Variants in DYTN observed in about 807,000 individuals in gnomAD.
DYTN encodes dystrotelin.
In DYTN, 75 loss-of-function variants were observed where a neutral mutation model predicts 69.6. The observed-to-expected ratio is 1.08, with a 90% CI of 0.89 to 1.31. The LOEUF (loss-of-function observed/expected upper bound fraction) is 1.31. Among genes scored for constraint, DYTN ranks in the 50% most tolerant of loss-of-function variants. The probability of loss-of-function intolerance (pLI) is 0.00; values close to 1 mark genes in which losing one functional copy is unlikely to be tolerated. For synonymous variants in DYTN, 252 were observed against 249.1 expected, an observed-to-expected ratio of 1.01 and a Z score of -0.11; for missense variants, 726 against 688.4, an observed-to-expected ratio of 1.05 and a Z score of -0.61.
chr2:206,717,354 G>A (rs376191434), intron 1 of DYTN, among the ~76,000 whole-genome samples: 1 of 152,136 alleles, frequency 6.6e-6, no homozygotes, highest in Non-Finnish European at 1.5e-5. Flanking sequence ...GTAGGCCAGT[G>A]GTCCTCACAG....
rs770004095 is a variant in DYTN at position 206,694,753 on chromosome 2, C to T, written c.831+13G>A. ...GATTAATGAATAGTTTGGTATGTGA[C>T]ATTAAATGTTACCTGAATGCAGTGC... On this transcript the variant is annotated intron_variant, in intron 8 of 11. Coordinates refer to ENST00000452335, the MANE Select transcript of DYTN (RefSeq NM_001093730.1). 3.8e-6 allele frequency: 6 copies of T among 1,584,532 alleles called. No homozygotes were observed. In the South Asian group the frequency reaches 7.0e-5, roughly 19 times the overall value.
At chr2:206,678,292 A>G (rs1329649477) in intron 9 of DYTN, among the ~76,000 whole-genome samples, 1 of 152,226 alleles carries the variant, frequency 6.6e-6, no homozygotes, top group Admixed American at 6.5e-5. Flanking sequence ...AAAAATTAAA[A>G]CAAGGCGATA....
intron 9 of DYTN, among the ~76,000 whole-genome samples, chr2:206,680,378 A>C (rs773382379): frequency 5.3e-5 from 8 of 152,152 alleles, no homozygotes; most frequent in Non-Finnish European, 1.0e-4. Context: ...ACAATTCAGG[A>C]TGGGATTTGG....
chr2:206,686,787 C>T (rs1699814397), intron 9 of DYTN: 1 of 152,306 alleles, frequency 6.6e-6, no homozygotes. Context: ...GCCTTTTCAC[C>T]ACCAGCTCTC....
intron 9 of DYTN, among the ~76,000 whole-genome samples, chr2:206,684,847 G>C (rs1166431768): frequency 1.3e-5 from 2 of 151,814 alleles, no homozygotes; most frequent in Non-Finnish European, 2.9e-5. Context: ...TGTCATATGA[G>C]CATAAAAGAT....
chr2:206,716,063 G>C (rs369407767), intron 1 of DYTN, among the ~76,000 whole-genome samples: 29 of 152,180 alleles, frequency 1.9e-4, no homozygotes, highest in African/African-American at 7.0e-4. Flanking sequence ...ACTCCAGCCT[G>C]GTGGCAGAGC....
Position 206,694,869 on chromosome 2 carries a change from C to T in DYTN, c.728G>A (p.Cys243Tyr). The T allele has an allele frequency of 6.3e-7, 1 of 1,587,242 alleles. No homozygotes were observed. The highest frequency in any genetic ancestry group is 8.6e-7 in the Non-Finnish European group (1 of 1,169,358). The part of the protein sequence containing the change: ...TFPITGLRYR[C>Y]LKCLNFDICQ... Reference sequence around the variant, plus strand: ...GATGTCAAAGTTGAGACACTTCAGACAGCGGTATCTGCCAGTTAAAATAGA... The same window carrying T: ...GATGTCAAAGTTGAGACACTTCAGATAGCGGTATCTGCCAGTTAAAATAGA... Residue 243 changes from cysteine to tyrosine, a missense_variant, in exon 8 of 12, where the codon TGT (cysteine) becomes TAT (tyrosine). By Grantham distance (194) the Cys-to-Tyr change is radical. Transcript: ENST00000452335.
At chr2:206,674,828 A>C (rs576136400) in intron 9 of DYTN, among the ~76,000 whole-genome samples, 1 of 152,204 alleles carries the variant, frequency 6.6e-6, no homozygotes, top group Admixed American at 6.5e-5. Flanking sequence ...AACAGATTTT[A>C]AATAAGTAAA....
At chr2:206,658,362 G>GGA (rs1246907701) in intron 11 of DYTN, among the ~76,000 whole-genome samples, 1 of 151,766 alleles carries the variant, frequency 6.6e-6, no homozygotes, top group African/African-American at 2.4e-5. Flanking sequence ...CTTCTTTGTT[G>GGA]GACTATGTTT....
At chr2:206,702,719 G>T (rs191886029) in intron 5 of DYTN, among the ~76,000 whole-genome samples, 2,940 of 152,054 alleles carry the variant, frequency 0.019, 65 homozygotes, top group Non-Finnish European at 0.025. Context: ...AAGGTGGGTG[G>T]ATAACATAGG....
At chr2:206,702,139 A>G (rs1261920637) in intron 5 of DYTN, among the ~76,000 whole-genome samples, 1 of 152,200 alleles carries the variant, frequency 6.6e-6, no homozygotes, top group African/African-American at 2.4e-5. Context: ...ACTTTCAGCC[A>G]CAGTCACCAT....
chr2:206,652,144 T>C (rs1193123012), intron 11 of DYTN, among the ~76,000 whole-genome samples: 1 of 152,170 alleles, frequency 6.6e-6, no homozygotes, highest in African/African-American at 2.4e-5. Context: ...TTCCCACGGC[T>C]CCTTGCACAA....
At chr2:206,715,295 C>T (rs1435981098) in intron 1 of DYTN, among the ~76,000 whole-genome samples, 2 of 152,170 alleles carry the variant, frequency 1.3e-5, no homozygotes, top group Non-Finnish European at 2.9e-5. Flanking sequence ...CAGGATTTCC[C>T]AGCCTCCTTG....
At chr2:206,698,324 A>G (rs940106832) in intron 7 of DYTN, among the ~76,000 whole-genome samples, 7 of 152,148 alleles carry the variant, frequency 4.6e-5, no homozygotes. Context: ...AGCAAAATTA[A>G]AACCGGATCT....
intron 11 of DYTN, among the ~76,000 whole-genome samples, chr2:206,656,742 C>T (rs966208690): frequency 6.6e-6 from 1 of 151,434 alleles, no homozygotes; most frequent in African/African-American, 2.4e-5. Flanking sequence ...ACTTTTAGTT[C>T]CCATACACTT....
At chr2:206,658,663 G>T (rs1287206649) in intron 11 of DYTN, among the ~76,000 whole-genome samples, 1 of 152,130 alleles carries the variant, frequency 6.6e-6, no homozygotes, top group African/African-American at 2.4e-5. Flanking sequence ...TGGATGAATG[G>T]TCCAATTGTT....
chr2:206,651,794 A>C lies in DYTN; in HGVS notation c.*24T>G. The stretch of plus-strand genomic sequence containing the variant: ...AACTGCATTTTGTCATCACACCAAG[A>C]GGCCTTTGAGCCTGGACTCCATTTC... On this transcript the variant is annotated 3_prime_UTR_variant, in exon 12 of 12. Coordinates refer to ENST00000452335, the MANE Select transcript of DYTN (RefSeq NM_001093730.1). The C allele has an allele frequency of 6.2e-7, 1 of 1,601,098 alleles. No individual in the cohort carries two copies. The highest frequency in any genetic ancestry group is 8.6e-7 in the Non-Finnish European group (1 of 1,168,856).
At chr2:206,678,179 ATACAGTTGCCTTG>A (rs1699710795) in intron 9 of DYTN, among the ~76,000 whole-genome samples, 1 of 152,238 alleles carries the variant, frequency 6.6e-6, no homozygotes, top group Non-Finnish European at 1.5e-5. Context: ...GAAGGAAAAA[ATACAGTTGCCTTG>A]TACATTATGT....
At position 206,662,765 on chromosome 2, in the gene DYTN, C is replaced by T. The variant is rs549892345; in HGVS notation, c.1633+138G>A. On this transcript the variant is annotated intron_variant, in intron 11 of 11. Transcript: ENST00000452335. ...ATCCTAAAAATCAAGTTCAGAGATG[C>T]TACTGATAACCAATAGATTCAGAGC... is the stretch of plus-strand genomic sequence containing the variant. 4.1e-5 allele frequency: 54 copies of T among 1,312,238 alleles called. No homozygotes were observed. In the Admixed American group the frequency reaches 4.9e-4, roughly 12 times the overall value. 81.3% of individuals were successfully genotyped at this position (1,312,238 alleles called of 1,614,324 possible).
Sources: gnomAD v4.1 joint callset for allele counts (sites outside exome capture counted in the v4.1 genomes callset) on GRCh38, gnomAD v4.1.1 for gene constraint, MANE v1.5 for transcripts, NCBI Gene and HGNC (gene_info 2026-07-23, HGNC 2026-07-21) for gene names.